Variants in SEMA4D observed in about 807,000 individuals in gnomAD.
SEMA4D encodes semaphorin 4D, also known as semaphorin-4D.
In SEMA4D, 22 loss-of-function variants were observed where a neutral mutation model predicts 74.8. The ratio of observed to expected loss-of-function variants is 0.29; its 90% CI spans 0.21 to 0.42. The LOEUF (loss-of-function observed/expected upper bound fraction) is 0.42. Ranked by LOEUF, SEMA4D falls within the 10% of genes least tolerant of loss-of-function variation. The probability of loss-of-function intolerance (pLI) is 1.00; values close to 1 mark genes in which losing one functional copy is unlikely to be tolerated. For synonymous variants in SEMA4D, 445 were observed against 463.7 expected (o/e 0.96, Z 0.52); for missense variants, 937 against 1,118.4 (o/e 0.84, Z 2.31).
chr9:89,447,107 C>T lies in SEMA4D; in HGVS notation c.-244+8781G>A, dbSNP rs140788570. On this transcript the variant is annotated intron_variant, in intron 2 of 15. Coordinates refer to ENST00000422704, the MANE Select transcript of SEMA4D (RefSeq NM_001371194.2). ...CGACCCTCCCTCGCCCGCTGCCTAT[C>T]GGTCCTTCCAATCTCGATGGAGGCA... 5.9e-3 allele frequency among the ~76,000 whole-genome samples: 895 copies of T among 152,200 alleles called. 6 individuals are homozygous for T. Among genetic ancestry groups the T allele is most frequent in the Middle Eastern group, 0.014 (4 of 294 alleles).
intron 1 of SEMA4D, among the ~76,000 whole-genome samples, chr9:89,485,578 C>T (rs745708284): frequency 6.6e-5 from 10 of 151,976 alleles, no homozygotes; most frequent in East Asian, 1.9e-4. Flanking sequence ...CACCTGAGGT[C>T]GGGAGTTCAA....
Position 89,381,257 on chromosome 9 carries a change from A to G in SEMA4D, c.1536T>C (p.Cys512=), listed in dbSNP as rs1269330589. ...CGCAGTAGGGGTCCCGCGCCAGCAC[A>G]CAGTCCTCGCAGGTGCCGTGCTTCC... ...FCGKHGTCED[C]VLARDPYCAW... Residue 512 remains cysteine, a synonymous_variant, in exon 14 of 16, where the codon TGT becomes TGC. Coordinates refer to ENST00000422704, the MANE Select transcript of SEMA4D (RefSeq NM_001371194.2). This position sits in a 1 kb window ranked among gnomAD's most constrained non-coding sequence, Gnocchi z 4.6. The G allele has an allele frequency of 1.9e-6, 3 of 1,601,734 alleles. No individual in the cohort carries two copies. Among genetic ancestry groups the G allele is most frequent in the Non-Finnish European group, 2.6e-6 (3 of 1,171,672 alleles).
intron 1 of SEMA4D, among the ~76,000 whole-genome samples, chr9:89,475,614 C>T (rs893705870): frequency 2.6e-5 from 4 of 152,206 alleles, no homozygotes; most frequent in Non-Finnish European, 5.9e-5. Flanking sequence ...CTCTGCATTC[C>T]CCTACTGATC....
intron 16 of SEMA4D, chr9:89,367,772 G>A (rs550598863): frequency 6.6e-6 from 1 of 152,242 alleles, no homozygotes; most frequent in Non-Finnish European, 1.5e-5. Flanking sequence ...CTTGGTATAA[G>A]CAAGGGCCAG....
chr9:89,479,390 T>C (rs1298131088), intron 1 of SEMA4D, among the ~76,000 whole-genome samples: 1 of 152,240 alleles, frequency 6.6e-6, no homozygotes, highest in Non-Finnish European at 1.5e-5. Flanking sequence ...CGATTTGCTC[T>C]GAGTTCTAAC....
chr9:89,421,800 C>CGT lies in SEMA4D; in HGVS notation c.-243-16103_-243-16102dup, dbSNP rs150331246. ...CACATGGTGTGTGACCGTGTGTGTGCGTGTGTGTGTGTGTGTGGGTGTGCA... is the reference window on the plus strand; with the variant it reads ...CACATGGTGTGTGACCGTGTGTGTGCGTGTGTGTGTGTGTGTGTGGGTGTGCA... On this transcript the variant is annotated intron_variant, in intron 2 of 15. Transcript: ENST00000422704. 8.6e-4 allele frequency among the ~76,000 whole-genome samples: 129 copies of CGT among 149,938 alleles called. 1 individual carries two copies. Among genetic ancestry groups the CGT allele is most frequent in the African/African-American group, 2.2e-3 (90 of 40,962 alleles).
At chr9:89,372,688 G>A (rs1047185993), downstream of SEMA4D, among the ~76,000 whole-genome samples, 2 of 152,004 alleles carry the variant, frequency 1.3e-5, no homozygotes, top group African/African-American at 4.8e-5. Context: ...TAGGGCTAGC[G>A]GCTCCCAGGG....
chr9:89,420,023 G>T (rs4074459), intron 2 of SEMA4D, among the ~76,000 whole-genome samples: 73,905 of 152,058 alleles, frequency 0.49, 18,980 homozygotes, highest in Middle Eastern at 0.61. Flanking sequence ...TTTAAGACAC[G>T]TATCATATTC....
At chr9:89,363,721 T>G in intron 17 of SEMA4D, 3 of 1,608,040 alleles carry the variant, frequency 1.9e-6, no homozygotes, top group Middle Eastern at 1.7e-4. Flanking sequence ...AGGGTAACAG[T>G]GGGCATGGGA....
downstream of SEMA4D, chr9:89,376,852 G>A (rs1835861945): frequency 2.6e-6 from 4 of 1,549,548 alleles, no homozygotes; most frequent in Non-Finnish European, 3.5e-6. Context: ...GGCAGAAGAG[G>A]TAGAAGTTCC....
intron 1 of SEMA4D, among the ~76,000 whole-genome samples, chr9:89,494,668 A>G (rs1825872343): frequency 6.6e-6 from 1 of 152,286 alleles, no homozygotes; most frequent in South Asian, 2.1e-4. Context: ...TTAACTTTTC[A>G]TGATGGAGAA....
chr9:89,376,608 C>G, downstream of SEMA4D: 1 of 561,064 alleles, frequency 1.8e-6, no homozygotes, highest in Non-Finnish European at 3.0e-6. Context: ...ACAGAAAACA[C>G]TGGTTGACCC....
chr9:89,441,149 T>C (rs1851585289), intron 2 of SEMA4D, among the ~76,000 whole-genome samples: 1 of 152,212 alleles, frequency 6.6e-6, no homozygotes, highest in Non-Finnish European at 1.5e-5. Flanking sequence ...TTATTACACA[T>C]TGTAAACATG....
intron 1 of SEMA4D, among the ~76,000 whole-genome samples, chr9:89,465,884 G>A (rs1483590507): frequency 6.6e-6 from 1 of 152,256 alleles, no homozygotes. Flanking sequence ...ATGAGGAGAA[G>A]ATGGAGTCCA....
chr9:89,423,116 T>C (rs1564725196), intron 2 of SEMA4D, among the ~76,000 whole-genome samples: 1 of 152,226 alleles, frequency 6.6e-6, no homozygotes, highest in African/African-American at 2.4e-5. Context: ...AACTTTCAGT[T>C]AGTTGAGCTG....
intron 2 of SEMA4D, among the ~76,000 whole-genome samples, chr9:89,440,292 CCT>C (rs1379479934): frequency 6.6e-6 from 1 of 152,204 alleles, no homozygotes; most frequent in Non-Finnish European, 1.5e-5. Flanking sequence ...CTCTCCAGCC[CCT>C]GTGCCTTCTC....
downstream of SEMA4D, among the ~76,000 whole-genome samples, chr9:89,374,039 A>C (rs1008362331): frequency 1.3e-5 from 2 of 152,100 alleles, no homozygotes; most frequent in Admixed American, 1.3e-4. Context: ...ACTCTCTCCT[A>C]AGCTGGTGCT....
chr9:89,382,697 G>T (rs1163746897), intron 13 of SEMA4D, among the ~76,000 whole-genome samples: 2 of 152,248 alleles, frequency 1.3e-5, no homozygotes, highest in African/African-American at 2.4e-5. Context: ...GCTTGTGGAG[G>T]TGGCGGAAAC....
downstream of SEMA4D, among the ~76,000 whole-genome samples, chr9:89,374,984 C>T (rs532226750): frequency 7.2e-5 from 11 of 152,260 alleles, no homozygotes; most frequent in East Asian, 1.7e-3. Context: ...TCCTGGGAGG[C>T]GAAGCTTGCA....
Sources: gnomAD v4.1 joint callset for allele counts (sites outside exome capture counted in the v4.1 genomes callset) on GRCh38, gnomAD v4.1.1 for gene constraint, Gnocchi (gnomAD v3.1) non-coding constraint, MANE v1.5 for transcripts, NCBI Gene and HGNC (gene_info 2026-07-23, HGNC 2026-07-21) for gene names.